OR2AT4: variants seen among roughly 807,000 people sequenced by gnomAD.
OR2AT4 encodes the protein olfactory receptor family 2 subfamily AT member 4.
Under a neutral mutation model 10.3 loss-of-function variants are expected in OR2AT4, and 6 were observed. That is an observed-to-expected ratio of 0.58 (90% confidence interval 0.32 to 1.15). The LOEUF is 1.15. Ranked by LOEUF, OR2AT4 falls within the 50% of genes most tolerant of loss-of-function variation. The pLI is 0.05. For synonymous variants in OR2AT4, 145 were observed against 159.1 expected, an observed-to-expected ratio of 0.91 and a Z score of 0.67; for missense variants, 354 against 393.8, an observed-to-expected ratio of 0.90 and a Z score of 0.85.
At chr11:75,082,308 G>T (rs12292336) in exon 2 of OR2AT4, 9 of 151,892 alleles carry the variant, frequency 5.9e-5, no homozygotes, top group African/African-American at 7.3e-5. Context: ...GTGCTGGGGT[G>T]GGGGAGTGGG....
exon 2 of OR2AT4, chr11:75,087,124 A>G (rs1949295063): frequency 6.6e-6 from 1 of 152,222 alleles, no homozygotes; most frequent in African/African-American, 2.4e-5. Flanking sequence ...TGGATCCTGG[A>G]ATGGAAAGAA....
chr11:75,090,949 C>T (rs565674997), intron 1 of OR2AT4, among the ~76,000 whole-genome samples: 9 of 152,226 alleles, frequency 5.9e-5, no homozygotes, highest in Non-Finnish European at 1.0e-4. Context: ...ATGCGGCTAA[C>T]GAATTAAGCT....
chr11:75,096,862 C>T (rs765426163), exon 1 of OR2AT4: 1 of 152,316 alleles, frequency 6.6e-6, no homozygotes, highest in Admixed American at 6.5e-5. Context: ...TGTGTAGAGT[C>T]GTCACAGTTG....
At chr11:75,089,334 C>A (rs778499204) in exon 2 of OR2AT4, 3 of 1,613,968 alleles carry the variant, frequency 1.9e-6, no homozygotes. Flanking sequence ...AGCCACATAG[C>A]GGTCATAGGC....
At chr11:75,095,781 G>A (rs1208443540) in intron 1 of OR2AT4, among the ~76,000 whole-genome samples, 2 of 150,486 alleles carry the variant, frequency 1.3e-5, no homozygotes, top group East Asian at 3.9e-4. Flanking sequence ...GGGTTCAAGC[G>A]ATTCTCATGC....
At chr11:75,091,583 T>C (rs181999551) in intron 1 of OR2AT4, among the ~76,000 whole-genome samples, 54 of 152,154 alleles carry the variant, frequency 3.5e-4, no homozygotes, top group African/African-American at 1.1e-3. Flanking sequence ...ATTAGAGACC[T>C]GCAAAATAGA....
rs766938576 is a variant in OR2AT4, at chr11:75,089,063, G to C, written c.651C>G (p.Leu217=). ...TGTGGACATAGGAGAGAAGCACCAG[G>C]AGAAGGGGGAGGAAGGACACCACCA... Residue 217 remains leucine (L), a synonymous_variant, in exon 2 of 2, where the codon CTC becomes CTG. Coordinates refer to ENST00000641504, the Ensembl canonical transcript of OR2AT4. 5.6e-6 allele frequency: 9 copies of C among 1,614,068 alleles called. 1 individual carries two copies. The highest frequency in any genetic ancestry group is 1.1e-5 in the South Asian group (1 of 91,070).
exon 2 of OR2AT4, chr11:75,083,992 A>C (rs1423369840): frequency 1.3e-5 from 2 of 152,878 alleles, no homozygotes; most frequent in East Asian, 3.8e-4. Context: ...AAGAAAAAAA[A>C]AGGAGAAAAT....
chr11:75,082,161 T>C (rs994703699), exon 2 of OR2AT4: 3 of 152,120 alleles, frequency 2.0e-5, no homozygotes, highest in African/African-American at 4.8e-5. Flanking sequence ...CAGCATGATA[T>C]TGGCATAAGA....
exon 2 of OR2AT4, chr11:75,083,524 C>G (rs1949275081): frequency 6.6e-6 from 1 of 152,104 alleles, no homozygotes; most frequent in Non-Finnish European, 1.5e-5. Context: ...ATCATTTGAC[C>G]CAGCAATCTC....
intron 1 of OR2AT4, chr11:75,096,347 C>A (rs1949348710): frequency 6.6e-6 from 1 of 152,232 alleles, no homozygotes; most frequent in African/African-American, 2.4e-5. Flanking sequence ...ACAGTCATTA[C>A]ACATCATTAC....
chr11:75,094,518 T>G (rs1949337341), intron 1 of OR2AT4, among the ~76,000 whole-genome samples: 1 of 151,908 alleles, frequency 6.6e-6, no homozygotes, highest in African/African-American at 2.4e-5. Flanking sequence ...GAGACCAAGG[T>G]GGGAGAATTG....
chr11:75,088,889 G>A, exon 2 of OR2AT4: 2 of 1,614,026 alleles, frequency 1.2e-6, no homozygotes, highest in East Asian at 4.5e-5. Context: ...CCATGATATG[G>A]AAGTCAAGGG....
intron 1 of OR2AT4, among the ~76,000 whole-genome samples, chr11:75,094,456 A>G (rs1438341095): frequency 1.3e-5 from 2 of 152,192 alleles, no homozygotes; most frequent in South Asian, 2.1e-4. Context: ...TCTTTCTAAA[A>G]GACATATGAG....
intron 1 of OR2AT4, among the ~76,000 whole-genome samples, chr11:75,093,963 C>T (rs1949333777): frequency 6.6e-6 from 1 of 151,596 alleles, no homozygotes; most frequent in African/African-American, 2.4e-5. Flanking sequence ...GCTGGGATTA[C>T]AGGCATGTGC....
At chr11:75,085,396 C>G (rs1949285066) in exon 2 of OR2AT4, 1 of 151,828 alleles carries the variant, frequency 6.6e-6, no homozygotes, top group Non-Finnish European at 1.5e-5. Context: ...AATTCCAGGC[C>G]CTGGAAATTT....
At chr11:75,083,502 T>C (rs939581532) in exon 2 of OR2AT4, 2 of 152,168 alleles carry the variant, frequency 1.3e-5, no homozygotes, top group Non-Finnish European at 2.9e-5. Context: ...TCAAAGAACA[T>C]AAAATAGAGC....
exon 2 of OR2AT4, chr11:75,084,272 T>A (rs1301418425): frequency 6.6e-6 from 1 of 152,168 alleles, no homozygotes; most frequent in African/African-American, 2.4e-5. Flanking sequence ...GGTGACGGGA[T>A]CATTCATATC....
chr11:75,084,624 C>T (rs1949281347), exon 2 of OR2AT4: 1 of 151,718 alleles, frequency 6.6e-6, no homozygotes, highest in African/African-American at 2.4e-5. Context: ...AAAGAATAGG[C>T]CATTAAAAAA....
Sources: allele counts gnomAD v4.1 joint callset (sites outside exome capture counted in the v4.1 genomes callset), GRCh38; gene constraint gnomAD v4.1.1; transcripts MANE v1.5; gene names NCBI Gene and HGNC (gene_info 2026-07-23, HGNC 2026-07-21).